Variants in IGSF21 observed in about 807,000 individuals in gnomAD.
IGSF21 encodes immunoglobin superfamily member 21, also known as immunoglobulin superfamily member 21.
A neutral mutation model predicts 46.8 loss-of-function variants in IGSF21; 28 were observed. The ratio of observed to expected loss-of-function variants is 0.60; its 90% CI spans 0.44 to 0.82. The LOEUF is 0.82. Ranked by LOEUF, IGSF21 falls within the 40% of genes least tolerant of loss-of-function variation. IGSF21 has a pLI of 0.00. For synonymous variants in IGSF21, 284 were observed against 273.6 expected, an observed-to-expected ratio of 1.04 and a Z score of -0.38; for missense variants, 624 against 665.5, an observed-to-expected ratio of 0.94 and a Z score of 0.69.
intron 4 of IGSF21, among the ~76,000 whole-genome samples, chr1:18,347,717 C>A (rs1267647430): frequency 6.6e-6 from 1 of 152,200 alleles, no homozygotes; most frequent in East Asian, 1.9e-4. Flanking sequence ...AAGCAGACAA[C>A]CCAGTCAAGC....
At chr1:18,226,091 A>G (rs2084563417) in intron 1 of IGSF21, among the ~76,000 whole-genome samples, 1 of 152,228 alleles carries the variant, frequency 6.6e-6, no homozygotes, top group Non-Finnish European at 1.5e-5. Context: ...CAGTATCACA[A>G]TGTTACACTC....
chr1:18,226,423 C>A (rs537409911), intron 1 of IGSF21, among the ~76,000 whole-genome samples: 2 of 152,122 alleles, frequency 1.3e-5, no homozygotes. Context: ...AAGGAGGATC[C>A]GGGTTGGTCC....
At chr1:18,268,127 C>T (rs2085007595) in intron 2 of IGSF21, among the ~76,000 whole-genome samples, 1 of 152,332 alleles carries the variant, frequency 6.6e-6, no homozygotes, top group Non-Finnish European at 1.5e-5. Context: ...AACGACTTGG[C>T]CTCTCTACAA....
intron 1 of IGSF21, among the ~76,000 whole-genome samples, chr1:18,132,608 C>T (rs2086331697): frequency 6.6e-6 from 1 of 152,158 alleles, no homozygotes; most frequent in Non-Finnish European, 1.5e-5. Flanking sequence ...GTCCTGGCCA[C>T]CTCTTGGGCT....
intron 2 of IGSF21, among the ~76,000 whole-genome samples, chr1:18,228,331 T>C (rs79086634): frequency 0.015 from 2,344 of 152,348 alleles, 59 homozygotes; most frequent in African/African-American, 0.053. Flanking sequence ...AAGTGATATC[T>C]GATGGTGGAA....
chr1:18,250,025 T>C (rs2084822731), intron 2 of IGSF21, among the ~76,000 whole-genome samples: 1 of 151,074 alleles, frequency 6.6e-6, no homozygotes, highest in African/African-American at 2.4e-5. Context: ...CAACATGGTC[T>C]CTGTGTCTCT....
chr1:18,360,911 A>T (rs2086093173), intron 4 of IGSF21, among the ~76,000 whole-genome samples: 1 of 152,112 alleles, frequency 6.6e-6, no homozygotes, highest in African/African-American at 2.4e-5. Context: ...GGTGGTGGTG[A>T]CCGAGCTGAG....
At chr1:18,241,526 T>C (rs2084727854) in intron 2 of IGSF21, among the ~76,000 whole-genome samples, 1 of 152,170 alleles carries the variant, frequency 6.6e-6, no homozygotes, top group South Asian at 2.1e-4. Context: ...ACTACAAAGT[T>C]CAGCTCTTTC....
chr1:18,368,002 T>C (rs2086185136), intron 6 of IGSF21, among the ~76,000 whole-genome samples: 1 of 152,022 alleles, frequency 6.6e-6, no homozygotes, highest in African/African-American at 2.4e-5. Flanking sequence ...GTGGCCTCTC[T>C]TATATTAACC....
intron 1 of IGSF21, among the ~76,000 whole-genome samples, chr1:18,181,147 G>A (rs1423189389): frequency 6.6e-6 from 1 of 152,218 alleles, no homozygotes; most frequent in Non-Finnish European, 1.5e-5. Context: ...CCCCGGCTCA[G>A]GGCCTGATGC....
chr1:18,255,640 CCT>C (rs917007583), intron 2 of IGSF21, among the ~76,000 whole-genome samples: 16 of 152,006 alleles, frequency 1.1e-4, no homozygotes, highest in African/African-American at 3.9e-4. Flanking sequence ...ACCCTGTGTT[CCT>C]CTCTTCCTCT....
At chr1:18,289,558 T>G (rs745601554) in intron 2 of IGSF21, among the ~76,000 whole-genome samples, 69 of 152,182 alleles carry the variant, frequency 4.5e-4, no homozygotes, top group Non-Finnish European at 8.5e-4. Context: ...TCTTGTCTAT[T>G]CGGCTCTGTT....
At chr1:18,214,466 A>G (rs1258647110) in intron 1 of IGSF21, among the ~76,000 whole-genome samples, 1 of 152,232 alleles carries the variant, frequency 6.6e-6, no homozygotes, top group Non-Finnish European at 1.5e-5. Flanking sequence ...AAAAGTATCC[A>G]GCCGCAGCAA....
At chr1:18,114,699 G>A (rs2086173691) in intron 1 of IGSF21, 1 of 152,238 alleles carries the variant, frequency 6.6e-6, no homozygotes, top group Non-Finnish European at 1.5e-5. Flanking sequence ...ACATCACACA[G>A]GGAGACAGCT....
chr1:18,295,430 T>C (rs1488079898), intron 3 of IGSF21, among the ~76,000 whole-genome samples: 1 of 152,170 alleles, frequency 6.6e-6, no homozygotes, highest in Non-Finnish European at 1.5e-5. Flanking sequence ...CGGAGAGACA[T>C]GGCAAAATGT....
chr1:18,251,483 G>T (rs77760508), intron 2 of IGSF21, among the ~76,000 whole-genome samples: 3,560 of 152,262 alleles, frequency 0.023, 69 homozygotes, highest in Middle Eastern at 0.12. Flanking sequence ...GGCTCATTTT[G>T]TCTTGTAGTT....
intron 3 of IGSF21, among the ~76,000 whole-genome samples, chr1:18,308,376 G>A (rs550413203): frequency 1.3e-5 from 2 of 152,242 alleles, no homozygotes; most frequent in African/African-American, 4.8e-5. Flanking sequence ...AACACGTAGT[G>A]AGCACCTCTG....
In IGSF21 at chr1:18,349,997, G is replaced by A. The variant is rs372556958; in HGVS notation, c.425-12118G>A. Among the ~76,000 whole-genome samples the A allele has an allele frequency of 1.8e-3, 272 of 152,256 alleles. 1 individual carries two copies. The highest frequency in any genetic ancestry group is 6.4e-3 in the African/African-American group (266 of 41,546). On this transcript the variant is annotated intron_variant, in intron 4 of 9. Coordinates refer to ENST00000251296, the MANE Select transcript of IGSF21 (RefSeq NM_032880.5). ...AAGGTTACCCAGCTGGTAGGTGTCCGAAGCACGATACAATCGTCAGCCCTG... is the reference window on the plus strand; with the variant it reads ...AAGGTTACCCAGCTGGTAGGTGTCCAAAGCACGATACAATCGTCAGCCCTG...
rs573158630 is a variant in IGSF21, at chr1:18,352,881, C to A, written c.425-9234C>A. On this transcript the variant is annotated intron_variant, in intron 4 of 9. Transcript: ENST00000251296. The stretch of plus-strand genomic sequence containing the variant: ...CGGTGTGGGTGGATGACGCCCGCAG[C>A]CACTGGGATCCTTCATGAACCCGCT... Among the ~76,000 whole-genome samples the A allele has an allele frequency of 3.3e-5, 5 of 152,292 alleles. No individual in the cohort carries two copies. The South Asian group carries it at 1.0e-3, about 32-fold the overall frequency.
Sources: allele counts gnomAD v4.1 joint callset (sites outside exome capture counted in the v4.1 genomes callset), GRCh38; gene constraint gnomAD v4.1.1; transcripts MANE v1.5; gene names NCBI Gene and HGNC (gene_info 2026-07-23, HGNC 2026-07-21).